Variants in FAM163A observed in about 807,000 individuals in gnomAD.
The protein encoded by FAM163A is protein FAM163A.
In FAM163A, 7 loss-of-function variants were observed where a neutral mutation model predicts 12.0. The observed-to-expected ratio is 0.58, with a 90% confidence interval of 0.33 to 1.10. The LOEUF is 1.10. FAM163A is among the 50% of genes least tolerant of loss of function. The pLI, the probability that FAM163A is intolerant of heterozygous loss-of-function variation, is 0.03. For missense variants in FAM163A, 202 were observed against 218.6 expected, an observed-to-expected ratio of 0.92 and a Z score of 0.48; for synonymous variants, 101 against 91.0, an observed-to-expected ratio of 1.11 and a Z score of -0.62.
chr1:179,781,933 CAAAAA>C (rs58962319), intron 1 of FAM163A, among the ~76,000 whole-genome samples: 1,599 of 119,306 alleles, frequency 0.013, 28 homozygotes, highest in African/African-American at 0.043. Flanking sequence ...GAATCCGTAT[CAAAAA>C]AAAAAAAAAA....
At chr1:179,805,690 A>G (rs932021959) in intron 1 of FAM163A, among the ~76,000 whole-genome samples, 2 of 151,968 alleles carry the variant, frequency 1.3e-5, no homozygotes, top group Non-Finnish European at 2.9e-5. Context: ...TGCTGTCTAC[A>G]CCGCCCTGTT....
At chr1:179,739,148 C>A (rs1163173522), upstream of FAM163A, among the ~76,000 whole-genome samples, 1 of 151,982 alleles carries the variant, frequency 6.6e-6, no homozygotes, top group Non-Finnish European at 1.5e-5. Flanking sequence ...AGCTGCTCAA[C>A]CTAGCCCTCA....
chr1:179,761,117 A>G (rs1018947623), intron 1 of FAM163A, among the ~76,000 whole-genome samples: 1 of 152,228 alleles, frequency 6.6e-6, no homozygotes, highest in Non-Finnish European at 1.5e-5. Flanking sequence ...AAAAATAGTC[A>G]TGATATATTA....
Position 179,799,847 on chromosome 1 carries a change from A to C in FAM163A, c.-135-7951A>C, listed in dbSNP as rs189549905. 4.0e-4 allele frequency among the ~76,000 whole-genome samples: 61 copies of C among 152,336 alleles called. No individual in the cohort carries two copies. In the South Asian group the frequency reaches 4.3e-3, roughly 11 times the overall value. ...ATTGCCCACACTCGTGTAAAATGAC[A>C]CATAACTAAGTCCCAATTGTGTCAT... On this transcript the variant is annotated intron_variant, in intron 1 of 4. Coordinates refer to ENST00000341785, the MANE Select transcript of FAM163A (RefSeq NM_173509.3).
chr1:179,751,854 G>T (rs1309941742), intron 1 of FAM163A, among the ~76,000 whole-genome samples: 1 of 152,164 alleles, frequency 6.6e-6, no homozygotes, highest in African/African-American at 2.4e-5. Flanking sequence ...TAGATTGGAA[G>T]ATTTAATATT....
intron 1 of FAM163A, among the ~76,000 whole-genome samples, chr1:179,768,674 T>C (rs895325445): frequency 6.6e-6 from 1 of 152,136 alleles, no homozygotes; most frequent in Non-Finnish European, 1.5e-5. Flanking sequence ...GGTATGATCT[T>C]GGCTCACTGC....
At chr1:179,767,577 G>C (rs1364268340) in intron 1 of FAM163A, among the ~76,000 whole-genome samples, 2 of 152,048 alleles carry the variant, frequency 1.3e-5, no homozygotes, top group Non-Finnish European at 2.9e-5. Context: ...CTTGATAAAG[G>C]CTTCCACTTT....
At chr1:179,756,569 G>T (rs753440574) in intron 1 of FAM163A, among the ~76,000 whole-genome samples, 1 of 152,170 alleles carries the variant, frequency 6.6e-6, no homozygotes, top group Non-Finnish European at 1.5e-5. Context: ...TGATTTGGAG[G>T]TTCCTTTGGG....
the FAM163A span, among the ~76,000 whole-genome samples, chr1:179,735,496 T>TTTTTTTC: frequency 9.4e-4 from 50 of 53,226 alleles, 2 homozygotes; most frequent in Non-Finnish European, 1.3e-3. Context: ...AGTTACATTC[T>TTTTTTTC]TTTTTTTTTT....
intron 1 of FAM163A, among the ~76,000 whole-genome samples, chr1:179,778,204 A>T (rs183590456): frequency 2.0e-5 from 3 of 152,014 alleles, no homozygotes; most frequent in African/African-American, 7.3e-5. Context: ...CCTGCCATGA[A>T]CTCTGAACGT....
chr1:179,758,671 G>T (rs919715119), intron 1 of FAM163A, among the ~76,000 whole-genome samples: 1 of 152,174 alleles, frequency 6.6e-6, no homozygotes, highest in Non-Finnish European at 1.5e-5. Context: ...CTCCGTCCAG[G>T]ACTGACTTTT....
chr1:179,815,372 C>G lies in FAM163A; in HGVS notation c.*1183C>G, dbSNP rs1384528167. The G allele has an allele frequency of 6.6e-6, 1 of 152,296 alleles. No individual in the cohort carries two copies. Among genetic ancestry groups the G allele is most frequent in the African/African-American group, 2.4e-5 (1 of 41,444 alleles). The allele number at this position is 152,296 out of a possible 1,614,324, so 9.4% of individuals were successfully genotyped here. On this transcript the variant is annotated 3_prime_UTR_variant, in exon 5 of 5. Transcript: ENST00000341785. ...GCGGCTGAAACCACGTCAAGTCCCC[C>G]AGAGCCCGGCATTCTATGTAAGCAT...
At chr1:179,788,702 A>C (rs368401236) in intron 1 of FAM163A, among the ~76,000 whole-genome samples, 2 of 152,194 alleles carry the variant, frequency 1.3e-5, no homozygotes, top group Non-Finnish European at 2.9e-5. Context: ...GATGCATGTT[A>C]TATATCTGGT....
chr1:179,813,639 G>A, intron 4 of FAM163A, 140 bp from the exon 5 acceptor site: 1 of 923,996 alleles, frequency 1.1e-6, no homozygotes, highest in Non-Finnish European at 1.6e-6. Context: ...TTAGAAACTT[G>A]TGGAGCAGGC....
chr1:179,769,530 T>G (rs1687973084), intron 1 of FAM163A, among the ~76,000 whole-genome samples: 1 of 152,232 alleles, frequency 6.6e-6, no homozygotes, highest in African/African-American at 2.4e-5. Context: ...ACTCAGCAGA[T>G]TATTGCTGAA....
At chr1:179,728,897 G>A in the FAM163A span, among the ~76,000 whole-genome samples, 454 of 152,210 alleles carry the variant, frequency 3.0e-3, 4 homozygotes, top group Admixed American at 6.0e-3. Context: ...ACATGTTTGT[G>A]TCAAGACCTG....
At chr1:179,766,185 C>A (rs947481285) in intron 1 of FAM163A, among the ~76,000 whole-genome samples, 3 of 152,166 alleles carry the variant, frequency 2.0e-5, no homozygotes, top group Non-Finnish European at 4.4e-5. Context: ...ATCTCTCTTC[C>A]CCAAGACAGG....
rs1695019591 is a variant in FAM163A at position 179,813,772 on chromosome 1, C to T, written c.94-7C>T. The T allele has an allele frequency of 5.0e-6, 8 of 1,613,754 alleles. No homozygotes were observed. In the East Asian group the frequency reaches 1.1e-4, roughly 22 times the overall value. On this transcript the variant is annotated splice_region_variant and splice_polypyrimidine_tract_variant and intron_variant, in intron 4 of 4. Coordinates refer to ENST00000341785, the MANE Select transcript of FAM163A (RefSeq NM_173509.3). ...CCTCTCAGGCATCCCTCTGCCCTTC[C>T]GCACAGTATTACTGCTGCAAGAAGA...
intron 1 of FAM163A, among the ~76,000 whole-genome samples, chr1:179,767,684 T>G (rs1687697527): frequency 6.6e-6 from 1 of 152,080 alleles, no homozygotes; most frequent in South Asian, 2.1e-4. Context: ...AGCCTGCTGC[T>G]CCAGGTGCAG....
Sources: allele counts gnomAD v4.1 joint callset (sites outside exome capture counted in the v4.1 genomes callset), GRCh38; gene constraint gnomAD v4.1.1; transcripts MANE v1.5; gene names NCBI Gene and HGNC (gene_info 2026-07-23, HGNC 2026-07-21).